Variants in ANO6 observed in about 807,000 individuals in gnomAD.
The protein encoded by ANO6 is anoctamin-6.
ANO6 carries 106 observed loss-of-function variants against 117.5 expected under a neutral mutation model. The observed-to-expected ratio is 0.90, with a 90% CI of 0.77 to 1.06. The LOEUF (loss-of-function observed/expected upper bound fraction) is 1.06. Ranked by LOEUF, ANO6 falls within the 50% of genes least tolerant of loss-of-function variation. The probability of loss-of-function intolerance (pLI) is 0.00; values close to 1 mark genes in which losing one functional copy is unlikely to be tolerated. For missense variants in ANO6, 955 were observed against 1,121.1 expected, an observed-to-expected ratio of 0.85 and a Z score of 2.12; for synonymous variants, 367 against 385.1, an observed-to-expected ratio of 0.95 and a Z score of 0.55.
chr12:45,222,117 G>C (rs903370172), intron 1 of ANO6, among the ~76,000 whole-genome samples: 2 of 151,038 alleles, frequency 1.3e-5, no homozygotes, highest in African/African-American at 4.9e-5. Flanking sequence ...TCCTGACCTC[G>C]TGATCCGCCT....
At chr12:45,394,709 T>C (rs1337034035) in intron 12 of ANO6, among the ~76,000 whole-genome samples, 2 of 152,172 alleles carry the variant, frequency 1.3e-5, no homozygotes, top group Non-Finnish European at 1.5e-5. Context: ...ACTGCACAAC[T>C]ACATGGAAAC....
intron 9 of ANO6, among the ~76,000 whole-genome samples, chr12:45,375,553 T>C (rs1302278024): frequency 6.6e-6 from 1 of 152,000 alleles, no homozygotes; most frequent in African/African-American, 2.4e-5. Flanking sequence ...TAACGCCACA[T>C]ATCTACAACC....
At chr12:45,393,297 A>G (rs1208803711) in intron 12 of ANO6, among the ~76,000 whole-genome samples, 1 of 152,294 alleles carries the variant, frequency 6.6e-6, no homozygotes, top group Non-Finnish European at 1.5e-5. Flanking sequence ...AGGTTAGAGG[A>G]AAAAGTAAAA....
rs548002990 is a variant in ANO6, at chr12:45,355,367, A to C, written c.864-1923A>C. Among the ~76,000 whole-genome samples the C allele has an allele frequency of 8.5e-4, 129 of 152,244 alleles. 2 individuals carry two copies. The highest frequency in any genetic ancestry group is 3.1e-3 in the African/African-American group (128 of 41,540). The stretch of plus-strand genomic sequence containing the variant: ...GCCTACAATGTAACAGGGATGCCTT[A>C]GAAAGTATTGAACTCCTTGTCACAG... On this transcript the variant is annotated intron_variant, in intron 7 of 19. Coordinates refer to ENST00000320560, the MANE Select transcript of ANO6 (RefSeq NM_001025356.3).
chr12:45,404,102 A>G (rs995018768), intron 15 of ANO6, among the ~76,000 whole-genome samples: 1 of 152,194 alleles, frequency 6.6e-6, no homozygotes, highest in Non-Finnish European at 1.5e-5. Flanking sequence ...GTAGGATTCA[A>G]ATCCAGGATC....
intron 1 of ANO6, among the ~76,000 whole-genome samples, chr12:45,240,528 C>G (rs1326176467): frequency 6.6e-6 from 1 of 151,712 alleles, no homozygotes; most frequent in Non-Finnish European, 1.5e-5. Flanking sequence ...TGTCTTTTAA[C>G]TGGGGCATTT....
In ANO6 at chr12:45,429,581, A is replaced by G. The variant is rs913170641; in HGVS notation, c.*270A>G. 5.6e-6 allele frequency: 7 copies of G among 1,252,654 alleles called. No homozygotes were observed. The highest frequency in any genetic ancestry group is 3.8e-5 in the Admixed American group (1 of 26,200). 77.6% of individuals were successfully genotyped at this position (1,252,654 alleles called of 1,614,324 possible). A position where few individuals can be genotyped will look rare whatever the true frequency, so the allele number is the denominator to read the frequency against. ...TGGAATTTTACAGAAAAAGTCCCTC[A>G]GTGTGCTTAAAAACCACCCCTTCTA... On this transcript the variant is annotated 3_prime_UTR_variant, in exon 20 of 20. Coordinates refer to ENST00000320560, the MANE Select transcript of ANO6 (RefSeq NM_001025356.3).
At chr12:45,346,086 T>C (rs572393806) in intron 3 of ANO6, among the ~76,000 whole-genome samples, 65 of 152,322 alleles carry the variant, frequency 4.3e-4, no homozygotes, top group Admixed American at 9.8e-4. Context: ...TTGTTAAGTC[T>C]GCCCTTGTGG....
chr12:45,259,253 T>A lies in ANO6; in HGVS notation c.71-42761T>A, dbSNP rs183013831. On this transcript the variant is annotated intron_variant, in intron 1 of 19. Coordinates refer to ENST00000320560, the MANE Select transcript of ANO6 (RefSeq NM_001025356.3). ...TAGTACAAGCTCAAGGATTTTGAAC[T>A]AAACAGTATGCTTTTTCCTGGTTTC... is the stretch of plus-strand genomic sequence containing the variant. Among the ~76,000 whole-genome samples, 16 of 152,336 alleles carry A rather than the reference T, an allele frequency of 1.1e-4. No homozygotes were observed. The East Asian group carries it at 3.1e-3, about 29-fold the overall frequency.
intron 1 of ANO6, among the ~76,000 whole-genome samples, chr12:45,250,196 A>G (rs994147855): frequency 6.6e-6 from 1 of 152,226 alleles, no homozygotes; most frequent in Non-Finnish European, 1.5e-5. Context: ...TTACCTGAAG[A>G]TGTTTCACAT....
chr12:45,385,367 G>C (rs1378322899), intron 10 of ANO6, among the ~76,000 whole-genome samples: 3 of 152,126 alleles, frequency 2.0e-5, no homozygotes, highest in Admixed American at 2.0e-4. Flanking sequence ...GGAGCTTCAG[G>C]GGTGGGGGCA....
At chr12:45,301,951 A>C in intron 1 of ANO6, 63 bp from the exon 2 acceptor site, 3 of 1,399,838 alleles carry the variant, frequency 2.1e-6, no homozygotes, top group Non-Finnish European at 3.0e-6. Context: ...ATTTAAAAGT[A>C]CAGAACTACG....
intron 1 of ANO6, among the ~76,000 whole-genome samples, chr12:45,221,877 C>CT (rs71093866): frequency 0.027 from 3,342 of 124,748 alleles, 63 homozygotes; most frequent in Non-Finnish European, 0.041. Flanking sequence ...TCCCCGACTC[C>CT]TTTTTTTTTT....
chr12:45,251,268 G>A (rs1947897558), intron 1 of ANO6, among the ~76,000 whole-genome samples: 1 of 152,156 alleles, frequency 6.6e-6, no homozygotes, highest in Non-Finnish European at 1.5e-5. Context: ...AGCAAACAGT[G>A]GGACTAGCAG....
In ANO6 at chr12:45,357,548, A is replaced by G. The variant is rs75950245; in HGVS notation, c.998+124A>G. On this transcript the variant is annotated intron_variant, in intron 8 of 19. Transcript: ENST00000320560. ...CAGAACATTCATTGCTTGGGATGATATATCCCTTTTGTTCTGAGCACAATA... is the reference window on the plus strand; with the variant it reads ...CAGAACATTCATTGCTTGGGATGATGTATCCCTTTTGTTCTGAGCACAATA... 3,737 of 1,260,402 alleles carry G rather than the reference A, an allele frequency of 3.0e-3. 70 individuals carry two copies. In the African/African-American group the frequency reaches 0.043, roughly 15 times the overall value. The allele number at this position is 1,260,402 out of a possible 1,614,324, so 78.1% of individuals were successfully genotyped here. A position where few individuals can be genotyped will look rare whatever the true frequency, so the allele number is the denominator to read the frequency against.
chr12:45,305,150 A>T (rs1436156798), intron 2 of ANO6, among the ~76,000 whole-genome samples: 1 of 152,132 alleles, frequency 6.6e-6, no homozygotes, highest in Non-Finnish European at 1.5e-5. Flanking sequence ...TGCTACCCCA[A>T]AGCTTAGGAG....
intron 19 of ANO6, among the ~76,000 whole-genome samples, chr12:45,423,623 C>T (rs1442983812): frequency 6.6e-6 from 1 of 152,122 alleles, no homozygotes; most frequent in Non-Finnish European, 1.5e-5. Context: ...AAGGTTGATT[C>T]CCCTCCCCAC....
rs564865577 is a variant in ANO6, at chr12:45,242,337, G to A, written c.70+25946G>A. On this transcript the variant is annotated intron_variant, in intron 1 of 19. Transcript: ENST00000320560. ...CCTCGCAGGTCGATCTCAGACTGCC[G>A]CACTAGCAGTGAGCAAGGCTCTGGC... Among the ~76,000 whole-genome samples, 7 of 152,378 alleles carry A rather than the reference G, an allele frequency of 4.6e-5. No individual in the cohort carries two copies. In the South Asian group the frequency reaches 8.3e-4, roughly 18 times the overall value.
At chr12:45,239,343 A>G (rs1206369396) in intron 1 of ANO6, among the ~76,000 whole-genome samples, 1 of 152,172 alleles carries the variant, frequency 6.6e-6, no homozygotes, top group Non-Finnish European at 1.5e-5. Context: ...TGTTTGTAGT[A>G]TTCTCTGATG....
Sources: allele counts gnomAD v4.1 joint callset (sites outside exome capture counted in the v4.1 genomes callset), GRCh38; gene constraint gnomAD v4.1.1; transcripts MANE v1.5; gene names NCBI Gene and HGNC (gene_info 2026-07-23, HGNC 2026-07-21).